PRKG1: variants seen among roughly 807,000 people sequenced by gnomAD.
PRKG1 encodes protein kinase cGMP-dependent 1.
A neutral mutation model predicts 88.1 loss-of-function variants in PRKG1; 35 were observed. The ratio of observed to expected loss-of-function variants is 0.40; its 90% CI spans 0.30 to 0.53. The LOEUF (loss-of-function observed/expected upper bound fraction) is 0.53, where lower values mean the gene tolerates loss of function less well. Among genes scored for constraint, PRKG1 ranks in the 20% least tolerant of loss-of-function variants. PRKG1 has a pLI of 0.59. For synonymous variants in PRKG1, 303 were observed against 292.5 expected (o/e 1.04, Z -0.37); for missense variants, 540 against 839.8 (o/e 0.64, Z 4.41).
intron 5 of PRKG1, among the ~76,000 whole-genome samples, chr10:52,048,588 G>A (rs891456382): frequency 2.0e-5 from 3 of 152,066 alleles, no homozygotes; most frequent in Non-Finnish European, 4.4e-5. Context: ...ATAAATATGT[G>A]TAGAATTTTA....
chr10:52,287,390 C>T (rs2132457385), intron 14 of PRKG1, among the ~76,000 whole-genome samples: 1 of 152,094 alleles, frequency 6.6e-6, no homozygotes, highest in African/African-American at 2.4e-5. Context: ...CAGAATCCAT[C>T]ACAGCCCTTA....
At chr10:51,058,357 TG>T (rs2132779589) in intron 1 of PRKG1, among the ~76,000 whole-genome samples, 1 of 152,244 alleles carries the variant, frequency 6.6e-6, no homozygotes, top group East Asian at 1.9e-4. Flanking sequence ...ATTTTTTGAG[TG>T]AAAAATGTTA....
intron 7 of PRKG1, among the ~76,000 whole-genome samples, chr10:52,103,864 A>T (rs1397750509): frequency 6.6e-6 from 1 of 151,924 alleles, no homozygotes; most frequent in Non-Finnish European, 1.5e-5. Flanking sequence ...AGTTAAGTCA[A>T]TAAGATACAA....
chr10:51,912,613 C>A (rs1384670192), intron 5 of PRKG1, among the ~76,000 whole-genome samples: 1 of 151,702 alleles, frequency 6.6e-6, no homozygotes, highest in African/African-American at 2.4e-5. Flanking sequence ...TGTAACCAGA[C>A]AAAAAGAGCA....
chr10:51,411,142 G>A (rs1284093307), intron 2 of PRKG1, among the ~76,000 whole-genome samples: 1 of 152,030 alleles, frequency 6.6e-6, no homozygotes, highest in Non-Finnish European at 1.5e-5. Flanking sequence ...TTGAACTACA[G>A]GTGTGCACCA....
At chr10:51,920,533 G>A (rs925823350) in intron 5 of PRKG1, among the ~76,000 whole-genome samples, 1 of 152,092 alleles carries the variant, frequency 6.6e-6, no homozygotes, top group African/African-American at 2.4e-5. Flanking sequence ...ACAGAATAGA[G>A]ATAGTGATCC....
intron 5 of PRKG1, among the ~76,000 whole-genome samples, chr10:51,963,358 T>C (rs1843491740): frequency 6.6e-6 from 1 of 152,212 alleles, no homozygotes; most frequent in South Asian, 2.1e-4. Flanking sequence ...AAGAAGCACA[T>C]GCTAAAGCTA....
At chr10:51,890,829 A>G (rs1019719930) in intron 4 of PRKG1, among the ~76,000 whole-genome samples, 4 of 152,230 alleles carry the variant, frequency 2.6e-5, no homozygotes, top group Admixed American at 2.0e-4. Context: ...GATGGTGCAC[A>G]CCAGTAATCC....
chr10:51,235,485 T>C (rs992269186), intron 2 of PRKG1, among the ~76,000 whole-genome samples: 10 of 152,230 alleles, frequency 6.6e-5, no homozygotes, highest in African/African-American at 2.4e-4. Context: ...TACATTACTG[T>C]CTGCCTTTGC....
intron 2 of PRKG1, among the ~76,000 whole-genome samples, chr10:51,436,734 A>G (rs1208354579): frequency 1.3e-5 from 2 of 152,064 alleles, no homozygotes; most frequent in African/African-American, 2.4e-5. Flanking sequence ...TCTCAATTTT[A>G]GACTGTACTT....
intron 1 of PRKG1, among the ~76,000 whole-genome samples, chr10:51,130,456 T>C (rs999187601): frequency 6.6e-6 from 1 of 152,216 alleles, no homozygotes; most frequent in Non-Finnish European, 1.5e-5. Flanking sequence ...TCTCTCTTCA[T>C]CATTATTTCT....
intron 4 of PRKG1, among the ~76,000 whole-genome samples, chr10:51,830,548 G>GTT (rs1022530024): frequency 1.5e-3 from 169 of 115,858 alleles, no homozygotes; most frequent in Non-Finnish European, 2.3e-3. Context: ...CTCTTAAAGT[G>GTT]TTTTTTTTTT....
At chr10:51,409,850 CAAAAAAAAAA>C (rs71459417) in intron 2 of PRKG1, among the ~76,000 whole-genome samples, 5 of 79,500 alleles carry the variant, frequency 6.3e-5, no homozygotes, top group Non-Finnish European at 1.2e-4. Context: ...GAGACTCTGT[CAAAAAAAAAA>C]AAAAAAAAAA....
intron 3 of PRKG1, among the ~76,000 whole-genome samples, chr10:51,753,088 T>C (rs1398866669): frequency 6.6e-6 from 1 of 152,160 alleles, no homozygotes; most frequent in African/African-American, 2.4e-5. Context: ...TACTTGGCAG[T>C]GTACAATTCT....
chr10:50,991,473 A>C lies in PRKG1; in HGVS notation c.95A>C (p.Glu32Ala). 6.2e-7 allele frequency: 1 copy of C among 1,609,642 alleles called. No homozygotes were observed. Among genetic ancestry groups the C allele is most frequent in the Non-Finnish European group, 8.5e-7 (1 of 1,178,216 alleles). Residue 32 changes from glutamate (E) to alanine (A), a missense_variant, in exon 1 of 18, where the codon GAA (glutamate) becomes GCA (alanine). Coordinates refer to the PRKG1 transcript ENST00000401604. The surrounding 1 kb of genome is among the most constrained non-coding windows in gnomAD (Gnocchi z 4.5). ...AAGCGGCTGTCAGAGAAGGAGGAAGAAATTCAGGAGCTGAAGAGGAAACTC... is the reference window on the plus strand; with the variant it reads ...AAGCGGCTGTCAGAGAAGGAGGAAGCAATTCAGGAGCTGAAGAGGAAACTC...
At chr10:52,081,243 C>T (rs188324583) in intron 7 of PRKG1, among the ~76,000 whole-genome samples, 4 of 152,266 alleles carry the variant, frequency 2.6e-5, no homozygotes, top group East Asian at 1.9e-4. Flanking sequence ...GGCAAAGACA[C>T]GCATGTCTGG....
intron 17 of PRKG1, among the ~76,000 whole-genome samples, chr10:52,293,375 T>C (rs991890362): frequency 5.6e-4 from 85 of 151,720 alleles, no homozygotes; most frequent in African/African-American, 1.8e-3. Context: ...CCCATCAAGC[T>C]ACCAATGACT....
intron 7 of PRKG1, among the ~76,000 whole-genome samples, chr10:52,093,124 T>C (rs1013891059): frequency 6.6e-6 from 1 of 152,122 alleles, no homozygotes; most frequent in African/African-American, 2.4e-5. Flanking sequence ...ACTGTTAGGG[T>C]TTCCTGGCAC....
chr10:51,517,054 T>A (rs2132070979), intron 3 of PRKG1, among the ~76,000 whole-genome samples: 1 of 152,268 alleles, frequency 6.6e-6, no homozygotes, highest in Non-Finnish European at 1.5e-5. Flanking sequence ...CCCTCCTAGG[T>A]TCTACAGCTA....
Sources: gnomAD v4.1 joint callset for allele counts (sites outside exome capture counted in the v4.1 genomes callset) on GRCh38, gnomAD v4.1.1 for gene constraint, Gnocchi (gnomAD v3.1) non-coding constraint, MANE v1.5 for transcripts, NCBI Gene and HGNC (gene_info 2026-07-23, HGNC 2026-07-21) for gene names.